NEK2: variants seen among roughly 807,000 people sequenced by gnomAD.
The protein encoded by NEK2 is NIMA related kinase 2, also known as serine/threonine-protein kinase Nek2.
NEK2 carries 28 observed loss-of-function variants against 54.1 expected under a neutral mutation model. The observed-to-expected ratio is 0.52, with a 90% CI of 0.38 to 0.71. NEK2 has a LOEUF of 0.71. Ranked by LOEUF, NEK2 falls within the 30% of genes least tolerant of loss-of-function variation. NEK2 has a pLI of 0.00. For missense variants in NEK2, 407 were observed against 531.5 expected, an observed-to-expected ratio of 0.77 and a Z score of 2.30; for synonymous variants, 176 against 193.1, an observed-to-expected ratio of 0.91 and a Z score of 0.73.
chr1:211,675,553 A>ACTCCAGGGACCTGGAT lies in NEK2; in HGVS notation c.-90_-75dup. 7.9e-7 allele frequency: 1 copy of ACTCCAGGGACCTGGAT among 1,263,288 alleles called. No individual in the cohort carries two copies. The highest frequency in any genetic ancestry group is 1.2e-6 in the Non-Finnish European group (1 of 867,934). The allele number at this position is 1,263,288 out of a possible 1,614,324, so 78.3% of individuals were successfully genotyped here. The stretch of plus-strand genomic sequence containing the variant: ...AAGTGCGGAGCTCCAGGGACCAGGA[A>ACTCCAGGGACCTGGAT]CTCCAGGGACCTGGATGGAGAAGCC... On this transcript the variant is annotated 5_prime_UTR_variant, in exon 1 of 8. Coordinates refer to ENST00000366999, the MANE Select transcript of NEK2 (RefSeq NM_002497.4).
chr1:211,661,233 G>T, downstream of NEK2: 1 of 699,516 alleles, frequency 1.4e-6, no homozygotes, highest in Non-Finnish European at 2.7e-6. Context: ...ATAAGCATCT[G>T]ATTTTTGATC....
chr1:211,674,169 TA>T, intron 2 of NEK2, 126 bp downstream of exon 2: 1 of 724,056 alleles, frequency 1.4e-6, no homozygotes, highest in Non-Finnish European at 2.2e-6. Context: ...AGGAATTTTC[TA>T]AAGTACTGTG....
intron 7 of NEK2, among the ~76,000 whole-genome samples, chr1:211,664,789 G>C (rs10159325): frequency 0.29 from 44,083 of 152,076 alleles, 6,797 homozygotes; most frequent in African/African-American, 0.39. Flanking sequence ...CTTTACATTT[G>C]TAAGTCAACA....
rs959024064 is a variant in NEK2 at position 211,673,813 on chromosome 1, AATTT to A, written c.315-94_315-91del. ...TAAATTATCCAGTGTACAAATAGGG[AATTT>A]ATTTATTTATTTATTTATATTTTTT... On this transcript the variant is annotated intron_variant, in intron 2 of 7. Transcript: ENST00000366999. The A allele has an allele frequency of 1.4e-4, 171 of 1,250,478 alleles. 1 individual carries two copies. Among genetic ancestry groups the A allele is most frequent in the Middle Eastern group, 4.0e-4 (2 of 5,008 alleles). The allele number at this position is 1,250,478 out of a possible 1,614,324, so 77.5% of individuals were successfully genotyped here.
At chr1:211,666,814 A>G (rs1655195809) in intron 7 of NEK2, 1 of 896,102 alleles carries the variant, frequency 1.1e-6, no homozygotes. Flanking sequence ...AAATAAAAAA[A>G]TAAATAATGA....
downstream of NEK2, chr1:211,661,126 C>A: frequency 1.3e-6 from 1 of 745,704 alleles, no homozygotes; most frequent in Non-Finnish European, 2.5e-6. Context: ...TTGAGCTGGG[C>A]GATAGCATCT....
intron 7 of NEK2, 36 bp from the exon 8 acceptor site, chr1:211,663,688 T>C (rs1467480669): frequency 6.3e-7 from 1 of 1,589,148 alleles, no homozygotes. Flanking sequence ...TCTGAGTTAC[T>C]TGAACAGAGT....
chr1:211,673,378 C>A, intron 3 of NEK2, 105 bp downstream of exon 3: 1 of 1,395,846 alleles, frequency 7.2e-7, no homozygotes, highest in East Asian at 2.4e-5. Context: ...CGCACCACTG[C>A]ACTCCAGCCT....
downstream of NEK2, chr1:211,658,667 C>T (rs1431181515): frequency 5.0e-6 from 2 of 404,032 alleles, no homozygotes; most frequent in East Asian, 9.1e-5. Flanking sequence ...CTACATTGAG[C>T]TGTGATCACA....
At chr1:211,674,060 C>T (rs1038355981) in intron 2 of NEK2, among the ~76,000 whole-genome samples, 11 of 152,176 alleles carry the variant, frequency 7.2e-5, no homozygotes, top group African/African-American at 2.7e-4. Context: ...AAGTGATCCT[C>T]CCGCATCGGC....
At chr1:211,662,098 T>C (rs1200905528), downstream of NEK2, among the ~76,000 whole-genome samples, 1 of 152,168 alleles carries the variant, frequency 6.6e-6, no homozygotes, top group Non-Finnish European at 1.5e-5. This position sits in a 1 kb window ranked among gnomAD's most constrained non-coding sequence, Gnocchi z 4.2. Context: ...AGTTGACACA[T>C]AAATCAACAA....
At chr1:211,664,607 A>C (rs79919910) in intron 7 of NEK2, among the ~76,000 whole-genome samples, 5,804 of 152,272 alleles carry the variant, frequency 0.038, 227 homozygotes, top group East Asian at 0.23. Context: ...GTCTGGATGA[A>C]GAGTGCTCCA....
chr1:211,660,961 A>G (rs1655004779), downstream of NEK2: 5 of 746,722 alleles, frequency 6.7e-6, no homozygotes, highest in Admixed American at 7.1e-5. Context: ...CACGAGGAAG[A>G]AAGCTTGCAG....
downstream of NEK2, chr1:211,660,585 T>C: frequency 1.6e-6 from 1 of 637,260 alleles, no homozygotes; most frequent in South Asian, 1.4e-5. Context: ...CATTGGTGTG[T>C]GCCTTCTCAC....
chr1:211,662,558 C>T (rs189524410), downstream of NEK2, among the ~76,000 whole-genome samples: 11 of 152,282 alleles, frequency 7.2e-5, no homozygotes, highest in Admixed American at 3.3e-4. The surrounding 1 kb of genome is among the most constrained non-coding windows in gnomAD (Gnocchi z 4.2). Flanking sequence ...CATTGCCAAA[C>T]GTCTCTTGAG....
At position 211,669,224 on chromosome 1, in the gene NEK2, C is replaced by T. The variant is rs1451436670; in HGVS notation, c.874G>A (p.Glu292Lys). Residue 292 changes from glutamate to lysine, a missense_variant, in exon 6 of 8, where the codon GAG becomes AAG. Glu to Lys is a moderately conservative substitution (Grantham distance 56). Transcript: ENST00000366999. ...CTGGAATCCTGCGATTTTTCTGGCT[C>T]TCCTAATTGTCGCCCTCTTCTCTCA... ...NLERRGRQLG[E>K]PEKSQDSSPV... The T allele has an allele frequency of 1.2e-6, 2 of 1,613,912 alleles. No homozygotes were observed. Among genetic ancestry groups the T allele is most frequent in the South Asian group, 1.1e-5 (1 of 91,086 alleles).
At chr1:211,660,434 G>T, downstream of NEK2, 1 of 704,026 alleles carries the variant, frequency 1.4e-6, no homozygotes, top group South Asian at 1.4e-5. Flanking sequence ...GCCCATTGCA[G>T]ACACTGAACC....
intron 3 of NEK2, among the ~76,000 whole-genome samples, chr1:211,672,823 T>C (rs2102446551): frequency 6.6e-6 from 1 of 152,288 alleles, no homozygotes; most frequent in African/African-American, 2.4e-5. Context: ...TTGAGTTTAA[T>C]GCATCATAGT....
downstream of NEK2, chr1:211,658,647 G>C: frequency 2.3e-6 from 1 of 430,020 alleles, no homozygotes; most frequent in Non-Finnish European, 4.6e-6. Context: ...TTGAGCCTAC[G>C]AGGCCAAGGC....
Sources: allele counts gnomAD v4.1 joint callset (sites outside exome capture counted in the v4.1 genomes callset), GRCh38; gene constraint gnomAD v4.1.1; non-coding constraint Gnocchi (gnomAD v3.1); transcripts MANE v1.5; gene names NCBI Gene and HGNC (gene_info 2026-07-23, HGNC 2026-07-21).